Variants in SCMH1 observed in about 807,000 individuals in gnomAD.
SCMH1 encodes Scm polycomb group protein homolog 1, also known as polycomb protein SCMH1.
A neutral mutation model predicts 70.8 loss-of-function variants in SCMH1; 37 were observed. The ratio of observed to expected loss-of-function variants is 0.52; its 90% CI spans 0.40 to 0.69. SCMH1 has a LOEUF of 0.69. SCMH1 is among the 30% of genes least tolerant of loss of function. The probability of loss-of-function intolerance (pLI) is 0.00; values close to 1 mark genes in which losing one functional copy is unlikely to be tolerated. For synonymous variants in SCMH1, 292 were observed against 307.4 expected (o/e 0.95, Z 0.52); for missense variants, 607 against 827.3 (o/e 0.73, Z 3.27).
intron 4 of SCMH1, among the ~76,000 whole-genome samples, chr1:41,153,298 T>C (rs1018048749): frequency 1.3e-5 from 2 of 152,192 alleles, no homozygotes; most frequent in African/African-American, 4.8e-5. Flanking sequence ...TATTGGATAC[T>C]TGAAATGTGG....
chr1:41,193,174 C>T (rs922735535), intron 1 of SCMH1, among the ~76,000 whole-genome samples: 2 of 152,204 alleles, frequency 1.3e-5, no homozygotes, highest in African/African-American at 4.8e-5. Context: ...CAAGCATACA[C>T]TATATCGTTT....
intron 5 of SCMH1, among the ~76,000 whole-genome samples, chr1:41,148,078 G>A (rs71648535): frequency 0.11 from 16,440 of 152,048 alleles, 1,244 homozygotes; most frequent in East Asian, 0.27. Flanking sequence ...TCTAGTGGTT[G>A]CATTAGAGTT....
intron 12 of SCMH1, among the ~76,000 whole-genome samples, chr1:41,045,484 C>G (rs546221639): frequency 6.6e-6 from 1 of 152,080 alleles, no homozygotes; most frequent in Non-Finnish European, 1.5e-5. Flanking sequence ...GTGCTTTTAT[C>G]GGAGGTGATT....
At chr1:41,147,746 T>C (rs1644715702) in intron 5 of SCMH1, among the ~76,000 whole-genome samples, 1 of 152,150 alleles carries the variant, frequency 6.6e-6, no homozygotes, top group African/African-American at 2.4e-5. Flanking sequence ...ATTATAAAAT[T>C]AACTTCCTTA....
chr1:41,118,602 G>A (rs1285605545), intron 6 of SCMH1, among the ~76,000 whole-genome samples: 1 of 152,140 alleles, frequency 6.6e-6, no homozygotes, highest in Non-Finnish European at 1.5e-5. Context: ...AAGGACCAAG[G>A]AATGACATTG....
At chr1:41,075,501 A>C in intron 8 of SCMH1, 50 bp from the exon 9 acceptor site, 264 of 1,497,152 alleles carry the variant, frequency 1.8e-4, no homozygotes, top group Non-Finnish European at 2.2e-4. Context: ...CTGCATTCTC[A>C]TCCCAGCCAG....
At chr1:41,172,122 C>T (rs1173585337) in intron 2 of SCMH1, among the ~76,000 whole-genome samples, 2 of 149,246 alleles carry the variant, frequency 1.3e-5, no homozygotes, top group South Asian at 4.3e-4. Flanking sequence ...GAGGTTAAGG[C>T]TGCAGTGAGC....
intron 8 of SCMH1, among the ~76,000 whole-genome samples, chr1:41,100,408 A>G (rs563285734): frequency 6.6e-6 from 1 of 152,202 alleles, no homozygotes; most frequent in East Asian, 1.9e-4. Context: ...CTCATCTAGC[A>G]TGGCCATTAT....
chr1:41,141,919 T>G (rs1318325611), intron 6 of SCMH1, among the ~76,000 whole-genome samples: 1 of 152,212 alleles, frequency 6.6e-6, no homozygotes, highest in Non-Finnish European at 1.5e-5. Context: ...GTGATAATTG[T>G]ATGGTTATGT....
intron 8 of SCMH1, among the ~76,000 whole-genome samples, chr1:41,091,209 T>C (rs1326415600): frequency 1.3e-5 from 2 of 152,144 alleles, no homozygotes; most frequent in African/African-American, 4.8e-5. Flanking sequence ...GCTTCATCCC[T>C]GGGATGCAAG....
At chr1:41,174,907 C>T (rs1357717750) in intron 2 of SCMH1, among the ~76,000 whole-genome samples, 1 of 152,136 alleles carries the variant, frequency 6.6e-6, no homozygotes, top group Non-Finnish European at 1.5e-5. Flanking sequence ...GGGGAAGGGG[C>T]TAGTGTGTTT....
intron 10 of SCMH1, among the ~76,000 whole-genome samples, chr1:41,050,789 C>T (rs1647825852): frequency 6.6e-6 from 1 of 152,106 alleles, no homozygotes. Flanking sequence ...TGATGAGAAC[C>T]ACGCTCTCAT....
chr1:41,194,002 T>C (rs1365617675), intron 1 of SCMH1, among the ~76,000 whole-genome samples: 1 of 152,190 alleles, frequency 6.6e-6, no homozygotes, highest in Non-Finnish European at 1.5e-5. Flanking sequence ...ATTACGAACT[T>C]ACAATGTAGT....
chr1:41,160,737 G>A, intron 4 of SCMH1, 138 bp downstream of exon 4: 2 of 813,184 alleles, frequency 2.5e-6, no homozygotes, highest in Middle Eastern at 2.2e-4. Flanking sequence ...TAATTAGGCA[G>A]ACAAGAGCAC....
intron 13 of SCMH1, 128 bp from the exon 14 acceptor site, chr1:41,034,176 AG>A: frequency 7.9e-7 from 1 of 1,264,516 alleles, no homozygotes; most frequent in Non-Finnish European, 1.0e-6. Flanking sequence ...GGCTAGAATC[AG>A]CGCTCAGCTC....
At chr1:41,067,619 A>G (rs553571095) in intron 10 of SCMH1, among the ~76,000 whole-genome samples, 16 of 152,310 alleles carry the variant, frequency 1.1e-4, no homozygotes, top group African/African-American at 3.1e-4. Context: ...TGGAGACAAT[A>G]AACAGATCAG....
At chr1:41,193,814 T>C (rs916166360) in intron 1 of SCMH1, among the ~76,000 whole-genome samples, 5 of 152,196 alleles carry the variant, frequency 3.3e-5, no homozygotes, top group Admixed American at 2.6e-4. Flanking sequence ...ATATTATATA[T>C]TGAGGACTCT....
At chr1:41,163,778 T>G (rs1646229415) in intron 2 of SCMH1, among the ~76,000 whole-genome samples, 1 of 152,160 alleles carries the variant, frequency 6.6e-6, no homozygotes, top group Non-Finnish European at 1.5e-5. Flanking sequence ...TCCATGATAT[T>G]TGTTACAGCA....
Position 41,143,123 on chromosome 1 carries a change from C to A in SCMH1, c.178-11G>T, listed in dbSNP as rs1436795586. 6.2e-7 allele frequency: 1 copy of A among 1,609,274 alleles called. No individual in the cohort carries two copies. The highest frequency in any genetic ancestry group is 8.5e-7 in the Non-Finnish European group (1 of 1,175,776). Reference sequence around the variant, plus strand: ...TGGAGGTGTGTAGGACTGGGAAAAACAAGGCATGAGGTATAGACAGATTAA... The same window carrying A: ...TGGAGGTGTGTAGGACTGGGAAAAAAAAGGCATGAGGTATAGACAGATTAA... On this transcript the variant is annotated splice_polypyrimidine_tract_variant and intron_variant, in intron 5 of 14. Transcript: ENST00000337495.
Sources: allele counts gnomAD v4.1 joint callset (sites outside exome capture counted in the v4.1 genomes callset), GRCh38; gene constraint gnomAD v4.1.1; transcripts MANE v1.5; gene names NCBI Gene and HGNC (gene_info 2026-07-23, HGNC 2026-07-21).